Variants in AREL1 observed in about 807,000 individuals in gnomAD.
AREL1 encodes the protein apoptosis resistant E3 ubiquitin protein ligase 1.
In AREL1, 62 loss-of-function variants were observed where a neutral mutation model predicts 99.0. The ratio of observed to expected loss-of-function variants is 0.63; its 90% confidence interval spans 0.51 to 0.77. The LOEUF is 0.77. Ranked by LOEUF, AREL1 falls within the 30% of genes least tolerant of loss-of-function variation. The pLI is 0.00. For synonymous variants in AREL1, 380 were observed against 376.5 expected (o/e 1.01, Z -0.11); for missense variants, 879 against 1,027.6 (o/e 0.86, Z 1.98).
At position 74,663,625 on chromosome 14, in the gene AREL1, T is replaced by G. The variant is rs901931562; in HGVS notation, c.*95A>C. 2.4e-6 allele frequency: 3 copies of G among 1,245,510 alleles called. No homozygotes were observed. Among genetic ancestry groups the G allele is most frequent in the African/African-American group, 3.0e-5 (2 of 67,642 alleles). 77.2% of individuals were successfully genotyped at this position (1,245,510 alleles called of 1,614,324 possible). On this transcript the variant is annotated 3_prime_UTR_variant, in exon 20 of 20. Transcript: ENST00000356357. ...GGAGCATGCGGCATCTTCTGGCTGA[T>G]GGTTATGTGTGTTAGGATCAGTGGT...
chr14:74,670,912 C>T (rs139288796), intron 12 of AREL1, 41 bp from the exon 13 acceptor site: 4 of 1,514,932 alleles, frequency 2.6e-6, no homozygotes, highest in Admixed American at 1.7e-5. Context: ...TCTGCCCTCC[C>T]TCCTCTTACC....
chr14:74,700,997 C>G (rs1390533137), intron 1 of AREL1, among the ~76,000 whole-genome samples: 2 of 152,166 alleles, frequency 1.3e-5, no homozygotes, highest in African/African-American at 4.8e-5. Context: ...AATGGAGTAG[C>G]TATACACTGG....
chr14:74,679,182 T>C (rs1052273330), intron 5 of AREL1, among the ~76,000 whole-genome samples: 1 of 152,310 alleles, frequency 6.6e-6, no homozygotes, highest in Non-Finnish European at 1.5e-5. Context: ...ATTGAAAACA[T>C]GTGCTCTGTG....
intron 18 of AREL1, among the ~76,000 whole-genome samples, chr14:74,664,448 CTTTTTTTTTTTT>C (rs56728679): frequency 6.5e-4 from 50 of 76,902 alleles, no homozygotes; most frequent in Non-Finnish European, 1.1e-3. Context: ...CTTTTCCTTT[CTTTTTTTTTTTT>C]TTTTTTTTTT....
intron 1 of AREL1, among the ~76,000 whole-genome samples, chr14:74,693,590 A>G (rs893605859): frequency 6.6e-6 from 1 of 152,340 alleles, no homozygotes; most frequent in Middle Eastern, 3.4e-3. Flanking sequence ...AATTATCCCT[A>G]TTTTAACACA....
intron 15 of AREL1, among the ~76,000 whole-genome samples, chr14:74,669,055 C>A (rs1341628483): frequency 6.6e-6 from 1 of 152,130 alleles, no homozygotes; most frequent in Non-Finnish European, 1.5e-5. Flanking sequence ...GCCACCATAC[C>A]CAGCTAGATT....
intron 2 of AREL1, among the ~76,000 whole-genome samples, chr14:74,689,784 C>T (rs2089834681): frequency 1.3e-5 from 2 of 151,056 alleles, no homozygotes; most frequent in African/African-American, 2.4e-5. Context: ...TTAGTAGAGA[C>T]GGGGTTTCTC....
At chr14:74,697,113 G>A (rs2089991591) in intron 1 of AREL1, among the ~76,000 whole-genome samples, 1 of 152,012 alleles carries the variant, frequency 6.6e-6, no homozygotes, top group Non-Finnish European at 1.5e-5. Context: ...CCACACCACT[G>A]TACTCTAGCC....
At chr14:74,706,531 C>T (rs1594771918) in intron 1 of AREL1, among the ~76,000 whole-genome samples, 1 of 152,286 alleles carries the variant, frequency 6.6e-6, no homozygotes, top group Middle Eastern at 3.4e-3. Flanking sequence ...ACAGAAATGG[C>T]ACCCTAAGAT....
In AREL1 at chr14:74,664,485, G is replaced by A. The variant is rs1448974803; in HGVS notation, c.2193+351C>T. The stretch of plus-strand genomic sequence containing the variant: ...TTTTTTTTTTTTGAGAAAGAGTCTC[G>A]CTCTGTCACCCAGGCTGCAGTGCAG... On this transcript the variant is annotated intron_variant, in intron 18 of 19. Transcript: ENST00000356357. Among the ~76,000 whole-genome samples, 17 of 113,784 alleles carry A rather than the reference G, an allele frequency of 1.5e-4. 1 individual carries two copies. The highest frequency in any genetic ancestry group is 5.1e-4 in the African/African-American group (15 of 29,192). The allele number at this position is 113,784 out of a possible 152,430, so 74.6% of individuals were successfully genotyped here.
At chr14:74,688,358 G>A (rs2139934049) in intron 2 of AREL1, among the ~76,000 whole-genome samples, 1 of 152,178 alleles carries the variant, frequency 6.6e-6, no homozygotes, top group East Asian at 1.9e-4. Context: ...GGTACAGGGA[G>A]GACAAATTAG....
rs759589699 is a variant in AREL1 at position 74,665,496 on chromosome 14, C to T, written c.2104-571G>A. Reference sequence around the variant, plus strand: ...ACAAACTGTTTCCTGACAGTCTGCTCTAAACTTAGCCTGGGAATATCAAGG... The same window carrying T: ...ACAAACTGTTTCCTGACAGTCTGCTTTAAACTTAGCCTGGGAATATCAAGG... On this transcript the variant is annotated intron_variant, in intron 17 of 19. Transcript: ENST00000356357. Among the ~76,000 whole-genome samples the T allele has an allele frequency of 1.3e-3, 201 of 152,262 alleles. 3 individuals carry two copies. The highest frequency in any genetic ancestry group is 5.8e-4 in the East Asian group (3 of 5,182).
At position 74,667,348 on chromosome 14, in the gene AREL1, A is replaced by G. The variant is rs768152171; in HGVS notation, c.2074T>C (p.Leu692=). The G allele has an allele frequency of 1.9e-5, 31 of 1,614,188 alleles. No homozygotes were observed. The highest frequency in any genetic ancestry group is 1.6e-4 in the Middle Eastern group (1 of 6,062). The change falls in exon 17 of 20, where the codon TTG becomes CTG. Residue 692 remains leucine, a synonymous_variant. Transcript: ENST00000356357. The part of the protein sequence containing the change: ...GLNELVPENL[L]AIFDENELEL... ...AGCTCATTCTCATCAAAAATAGCCA[A>G]AAGGTTCTCAGGGACCAATTCATTC...
chr14:74,674,549 C>T (rs1023977930), intron 8 of AREL1, among the ~76,000 whole-genome samples: 22 of 152,114 alleles, frequency 1.4e-4, no homozygotes, highest in Non-Finnish European at 2.6e-4. Context: ...GTGCAGTGAG[C>T]TGAGATTGGA....
Position 74,663,553 on chromosome 14 carries a change from T to G in AREL1, c.*167A>C. 4 of 699,098 alleles carry G rather than the reference T, an allele frequency of 5.7e-6. No individual in the cohort carries two copies. Among genetic ancestry groups the G allele is most frequent in the East Asian group, 5.3e-5 (2 of 37,410 alleles). The allele number at this position is 699,098 out of a possible 1,614,324, so 43.3% of individuals were successfully genotyped here. Reference sequence around the variant, plus strand: ...GTGGTAGATATGGGCAGGGAGCAGGTGAGGTAAAGACAAGGCTTGTAGGTG... The same window carrying G: ...GTGGTAGATATGGGCAGGGAGCAGGGGAGGTAAAGACAAGGCTTGTAGGTG... On this transcript the variant is annotated 3_prime_UTR_variant, in exon 20 of 20. Transcript: ENST00000356357.
intron 8 of AREL1, among the ~76,000 whole-genome samples, chr14:74,675,137 T>C (rs2089442584): frequency 6.6e-6 from 1 of 152,232 alleles, no homozygotes; most frequent in Non-Finnish European, 1.5e-5. Context: ...GCCAATCTTG[T>C]TTCATTTATT....
intron 1 of AREL1, among the ~76,000 whole-genome samples, chr14:74,708,526 G>T (rs1054923368): frequency 6.6e-6 from 1 of 152,088 alleles, no homozygotes; most frequent in Admixed American, 6.6e-5. Context: ...TTCCCAAAGC[G>T]GACAAGAGAG....
chr14:74,708,203 T>C (rs2090220369), intron 1 of AREL1, among the ~76,000 whole-genome samples: 1 of 152,328 alleles, frequency 6.6e-6, no homozygotes, highest in South Asian at 2.1e-4. Context: ...GTACTATCTT[T>C]GCAACTTTTT....
At chr14:74,700,151 A>G (rs1021064384) in intron 1 of AREL1, among the ~76,000 whole-genome samples, 3 of 152,272 alleles carry the variant, frequency 2.0e-5, no homozygotes, top group African/African-American at 7.2e-5. Context: ...AAGGATGATG[A>G]TAACAAGAAT....
Sources: gnomAD v4.1 joint callset for allele counts (sites outside exome capture counted in the v4.1 genomes callset) on GRCh38, gnomAD v4.1.1 for gene constraint, MANE v1.5 for transcripts, NCBI Gene and HGNC (gene_info 2026-07-23, HGNC 2026-07-21) for gene names.